Variants in N4BP2L2 observed in about 807,000 individuals in gnomAD.
N4BP2L2 encodes the protein NEDD4-binding protein 2-like 2.
Under a neutral mutation model 56.2 loss-of-function variants are expected in N4BP2L2, and 50 were observed. That is an observed-to-expected ratio of 0.89 (90% CI 0.71 to 1.13). The LOEUF (loss-of-function observed/expected upper bound fraction) is 1.13. N4BP2L2 is among the 50% of genes most tolerant of loss of function. The probability of loss-of-function intolerance (pLI) is 0.00; values close to 1 mark genes in which losing one functional copy is unlikely to be tolerated. For missense variants in N4BP2L2, 689 were observed against 693.8 expected (o/e 0.99, Z 0.08); for synonymous variants, 203 against 223.6 (o/e 0.91, Z 0.82).
At chr13:32,528,324 G>A (rs887583117) in intron 2 of N4BP2L2, among the ~76,000 whole-genome samples, 9 of 152,124 alleles carry the variant, frequency 5.9e-5, no homozygotes, top group African/African-American at 1.9e-4. Context: ...AGTGAAAGTC[G>A]GAAATAGTTG....
intron 6 of N4BP2L2, among the ~76,000 whole-genome samples, chr13:32,488,146 T>C (rs2086282890): frequency 6.6e-6 from 1 of 152,228 alleles, no homozygotes; most frequent in Non-Finnish European, 1.5e-5. Context: ...AAATTTTATG[T>C]TCTGTACCAT....
downstream of N4BP2L2, chr13:32,506,973 G>A (rs935988424): frequency 6.6e-6 from 1 of 151,620 alleles, no homozygotes; most frequent in Non-Finnish European, 1.5e-5. Context: ...CTTCTAAGGT[G>A]CTAGTAATAT....
chr13:32,534,633 A>G lies in N4BP2L2; in HGVS notation c.1259+1136T>C, dbSNP rs564419365. ...CTGGAATGAATTAATTCATTCACAA[A>G]GATCACAGTTTATAATCTAGCTTGA... On this transcript the variant is annotated intron_variant, in intron 2 of 5. Coordinates refer to ENST00000267068, the Ensembl canonical transcript of N4BP2L2. Among the ~76,000 whole-genome samples the G allele has an allele frequency of 9.8e-5, 15 of 152,362 alleles. No individual in the cohort carries two copies. The South Asian group carries it at 3.1e-3, about 32-fold the overall frequency.
At chr13:32,455,987 T>C (rs12427792) in intron 6 of N4BP2L2, among the ~76,000 whole-genome samples, 11 of 152,278 alleles carry the variant, frequency 7.2e-5, no homozygotes, top group East Asian at 3.9e-4. Context: ...AACAAGCACA[T>C]TGCCCAGGAG....
chr13:32,495,526 T>C (rs2088366405), intron 6 of N4BP2L2, among the ~76,000 whole-genome samples: 1 of 152,024 alleles, frequency 6.6e-6, no homozygotes, highest in Non-Finnish European at 1.5e-5. Context: ...CACCCAGACG[T>C]GGGGCAACTC....
chr13:32,442,300 A>G, intron 7 of N4BP2L2: 1 of 1,144,124 alleles, frequency 8.7e-7, no homozygotes, highest in Non-Finnish European at 1.2e-6. Flanking sequence ...ACTGCATGAG[A>G]TCACTAACCA....
At chr13:32,511,560 G>T (rs563489891) in exon 6 of N4BP2L2, 38 of 152,128 alleles carry the variant, frequency 2.5e-4, no homozygotes, top group African/African-American at 9.2e-4. Context: ...AGCCATTTTC[G>T]TATCTAAATT....
At chr13:32,489,234 C>T (rs567476648) in intron 6 of N4BP2L2, among the ~76,000 whole-genome samples, 12 of 152,196 alleles carry the variant, frequency 7.9e-5, no homozygotes, top group South Asian at 2.1e-4. Context: ...TCATCAGCTA[C>T]GAATTAGAAT....
At chr13:32,482,932 G>C (rs897541630) in intron 6 of N4BP2L2, among the ~76,000 whole-genome samples, 2 of 152,134 alleles carry the variant, frequency 1.3e-5, no homozygotes, top group East Asian at 3.8e-4. Context: ...TAGTTTGTTT[G>C]TATTTCAAAC....
chr13:32,522,286 A>G lies in N4BP2L2; in HGVS notation c.1385-16T>C, dbSNP rs2051175184. 2 of 1,448,676 alleles carry G rather than the reference A, an allele frequency of 1.4e-6. No individual in the cohort carries two copies. Among genetic ancestry groups the G allele is most frequent in the South Asian group, 1.4e-5 (1 of 72,640 alleles). The allele number at this position is 1,448,676 out of a possible 1,614,324, so 89.7% of individuals were successfully genotyped here. A position where few individuals can be genotyped will look rare whatever the true frequency, so the allele number is the denominator to read the frequency against. On this transcript the variant is annotated splice_polypyrimidine_tract_variant and intron_variant, in intron 3 of 5. Coordinates refer to ENST00000267068, the Ensembl canonical transcript of N4BP2L2. ...GCTTGTTTTGCTGAAATAAAATATA[A>G]ATTTAAAAATAAAAAAACAAATTAG...
At chr13:32,499,342 C>T (rs1219347296) in intron 6 of N4BP2L2, among the ~76,000 whole-genome samples, 1 of 152,318 alleles carries the variant, frequency 6.6e-6, no homozygotes. Context: ...CATTTCATCC[C>T]TAGTAACTAT....
At chr13:32,480,049 CA>C (rs1310176288) in intron 6 of N4BP2L2, among the ~76,000 whole-genome samples, 1 of 151,836 alleles carries the variant, frequency 6.6e-6, no homozygotes, top group Non-Finnish European at 1.5e-5. Context: ...GATAAAGACA[CA>C]AAAAATCCTC....
At chr13:32,444,709 T>C (rs751989122) in intron 6 of N4BP2L2, among the ~76,000 whole-genome samples, 6 of 152,222 alleles carry the variant, frequency 3.9e-5, no homozygotes, top group Non-Finnish European at 7.3e-5. Context: ...ATATTTTCCT[T>C]AAAGAAAATA....
At chr13:32,479,572 C>T (rs189414073) in intron 6 of N4BP2L2, among the ~76,000 whole-genome samples, 63 of 151,554 alleles carry the variant, frequency 4.2e-4, no homozygotes, top group African/African-American at 1.4e-3. Flanking sequence ...TGAGCCACTG[C>T]GCCCCGCCAG....
At chr13:32,495,248 A>G (rs1227094336) in intron 6 of N4BP2L2, among the ~76,000 whole-genome samples, 1 of 152,158 alleles carries the variant, frequency 6.6e-6, no homozygotes, top group Non-Finnish European at 1.5e-5. Context: ...AATTCTTCTT[A>G]CCATTTGGCA....
intron 6 of N4BP2L2, among the ~76,000 whole-genome samples, chr13:32,480,336 A>G (rs1470462751): frequency 3.3e-5 from 5 of 152,232 alleles, no homozygotes; most frequent in African/African-American, 1.2e-4. Flanking sequence ...CAGAGATTTG[A>G]CCTGGAGAAC....
chr13:32,442,786 A>G (rs1593411277), exon 7 of N4BP2L2: 6 of 1,613,774 alleles, frequency 3.7e-6, no homozygotes, highest in Non-Finnish European at 4.2e-6. Flanking sequence ...AGAGCACCTT[A>G]GTCTGTTAAA....
intron 6 of N4BP2L2, chr13:32,444,169 T>C (rs2076688543): frequency 6.5e-6 from 9 of 1,392,982 alleles, no homozygotes; most frequent in Non-Finnish European, 8.5e-6. Flanking sequence ...CTTAATTACA[T>C]GTATAACATA....
At chr13:32,537,603 G>T (rs2056861526) in intron 1 of N4BP2L2, among the ~76,000 whole-genome samples, 1 of 152,134 alleles carries the variant, frequency 6.6e-6, no homozygotes, top group South Asian at 2.1e-4. Flanking sequence ...CCTTAACTGT[G>T]AGTAGTTAGC....
Sources: allele counts gnomAD v4.1 joint callset (sites outside exome capture counted in the v4.1 genomes callset), GRCh38; gene constraint gnomAD v4.1.1; transcripts MANE v1.5; gene names NCBI Gene and HGNC (gene_info 2026-07-23, HGNC 2026-07-21).